MDN1: variants seen among roughly 807,000 people sequenced by gnomAD.
The protein encoded by MDN1 is midasin.
In MDN1, 266 loss-of-function variants were observed where a neutral mutation model predicts 669.2. The observed-to-expected ratio is 0.40, with a 90% CI of 0.36 to 0.44. MDN1 has a LOEUF of 0.44. MDN1 is among the 20% of genes least tolerant of loss of function. The pLI is 1.00. For missense variants in MDN1, 5,940 were observed against 6,754.0 expected, an observed-to-expected ratio of 0.88 and a Z score of 4.22; for synonymous variants, 2,385 against 2,457.1, an observed-to-expected ratio of 0.97 and a Z score of 0.87.
At chr6:89,690,565 C>T in intron 64 of MDN1, 108 bp downstream of exon 64, 1 of 1,354,002 alleles carries the variant, frequency 7.4e-7, no homozygotes, top group Non-Finnish European at 1.0e-6. Flanking sequence ...CTCTAAAATA[C>T]ATACATACAG....
At chr6:89,692,308 A>G (rs1812424381) in intron 63 of MDN1, 135 bp downstream of exon 63, 1 of 728,112 alleles carries the variant, frequency 1.4e-6, no homozygotes, top group African/African-American at 1.8e-5. Flanking sequence ...AAAAAGAAGG[A>G]ACAGAAAACA....
At chr6:89,681,843 G>A (rs1375705382) in intron 73 of MDN1, among the ~76,000 whole-genome samples, 2 of 152,044 alleles carry the variant, frequency 1.3e-5, no homozygotes, top group African/African-American at 4.8e-5. Context: ...TGGAGAGACA[G>A]GGTCTCATAC....
intron 10 of MDN1, chr6:89,781,148 A>T: frequency 2.0e-6 from 1 of 496,154 alleles, no homozygotes; most frequent in Non-Finnish European, 3.6e-6. Context: ...TTTAAAGTTA[A>T]AAACATTACC....
Position 89,714,547 on chromosome 6 carries a change from A to C in MDN1, c.7065T>G (p.Val2355=), listed in dbSNP as rs1269543803. The change falls in exon 46 of 102, where the codon GTT becomes GTG. Residue 2355 remains valine (V), a synonymous_variant. Transcript: ENST00000369393. ...LALHTETRST[V]VGSPTSSVST... is the part of the protein sequence containing the mutation. The stretch of plus-strand genomic sequence containing the variant: ...CCCAAAAGTCAAGCACCTCACCTAC[A>C]ACAGTGCTCCGGGTCTCTGTGTGTA... The C allele has an allele frequency of 6.2e-7, 1 of 1,602,006 alleles. No homozygotes were observed. The highest frequency in any genetic ancestry group is 8.5e-7 in the Non-Finnish European group (1 of 1,173,926).
intron 34 of MDN1, among the ~76,000 whole-genome samples, chr6:89,731,939 A>T (rs937172285): frequency 6.6e-6 from 1 of 151,656 alleles, no homozygotes; most frequent in Non-Finnish European, 1.5e-5. Context: ...AACTCATTAC[A>T]AACACCCCTC....
chr6:89,662,565 C>T (rs1029288793), intron 86 of MDN1, among the ~76,000 whole-genome samples: 1 of 152,146 alleles, frequency 6.6e-6, no homozygotes, highest in Non-Finnish European at 1.5e-5. Context: ...AACATCTGCA[C>T]AGGGTCTTGT....
intron 1 of MDN1, among the ~76,000 whole-genome samples, chr6:89,806,578 T>C (rs985726958): frequency 5.9e-5 from 9 of 151,796 alleles, no homozygotes; most frequent in Non-Finnish European, 1.3e-4. Context: ...ATTAGCCAGG[T>C]GTGCTGGTGT....
intron 8 of MDN1, among the ~76,000 whole-genome samples, chr6:89,786,774 A>T (rs1818983175): frequency 6.6e-6 from 1 of 151,756 alleles, no homozygotes; most frequent in South Asian, 2.1e-4. Context: ...AAAAATACAA[A>T]AATTAGCCCG....
intron 11 of MDN1, among the ~76,000 whole-genome samples, chr6:89,777,369 C>T (rs1409702347): frequency 1.3e-5 from 2 of 152,232 alleles, no homozygotes; most frequent in African/African-American, 4.8e-5. Flanking sequence ...CTCCATCTTA[C>T]TTCTAAGCCT....
At chr6:89,750,706 G>A (rs1363458085) in intron 23 of MDN1, among the ~76,000 whole-genome samples, 174 bp from the exon 24 acceptor site, 2 of 152,146 alleles carry the variant, frequency 1.3e-5, no homozygotes, top group African/African-American at 2.4e-5. Context: ...AGGCTCAAGT[G>A]ATCCTCCCAC....
chr6:89,788,803 GC>G (rs1379024050), intron 7 of MDN1, among the ~76,000 whole-genome samples: 4 of 152,194 alleles, frequency 2.6e-5, no homozygotes, highest in African/African-American at 9.7e-5. Context: ...ATAAGCCAGT[GC>G]TAAGACAATG....
Position 89,781,327 on chromosome 6 carries a change from G to T in MDN1, c.1643+72C>A, listed in dbSNP as rs1025834533. The stretch of plus-strand genomic sequence containing the variant: ...AACTGCACCACTGCACTCCAGCCTG[G>T]GTAACAGAGCAGGAATCTGTCTCAC... On this transcript the variant is annotated intron_variant, in intron 10 of 101. Coordinates refer to ENST00000369393, the MANE Select transcript of MDN1 (RefSeq NM_014611.3). 4 of 1,487,902 alleles carry T rather than the reference G, an allele frequency of 2.7e-6. No individual in the cohort carries two copies. In the Admixed American group the frequency reaches 5.1e-5, roughly 19 times the overall value. The allele number at this position is 1,487,902 out of a possible 1,614,324, so 92.2% of individuals were successfully genotyped here. A position where few individuals can be genotyped will look rare whatever the true frequency, so the allele number is the denominator to read the frequency against.
rs753222320 is a variant in MDN1 at position 89,680,890 on chromosome 6, TAA to T, written c.12103-141_12103-140del. The T allele has an allele frequency of 6.7e-5, 62 of 922,070 alleles. No homozygotes were observed. In the South Asian group the frequency reaches 7.0e-4, roughly 10 times the overall value. 57.1% of individuals were successfully genotyped at this position (922,070 alleles called of 1,614,324 possible). On this transcript the variant is annotated intron_variant, in intron 73 of 101. Transcript: ENST00000369393. ...AGAACAAATGTAGCATCACTAAAAT[TAA>T]AAGAGACATACTGTGGATATTTAGA...
At chr6:89,752,348 A>T (rs555041734) in intron 22 of MDN1, among the ~76,000 whole-genome samples, 4 of 152,242 alleles carry the variant, frequency 2.6e-5, no homozygotes, top group Admixed American at 6.5e-5. Flanking sequence ...TTTGATTACA[A>T]TAATGGTAAA....
chr6:89,745,149 A>AG lies in MDN1; in HGVS notation c.4178+123_4178+124insC, dbSNP rs1554190746. On this transcript the variant is annotated intron_variant, in intron 29 of 101. Transcript: ENST00000369393. Reference sequence around the variant, plus strand: ...AGTCTCTTCTTAAAAAAAAAAAAAAAAAAGAAAAAAGAGGAAGGAGGAAAG... The same window carrying AG: ...AGTCTCTTCTTAAAAAAAAAAAAAAAGAAAGAAAAAAGAGGAAGGAGGAAAG... The AG allele has an allele frequency of 5.1e-5, 53 of 1,034,084 alleles. No individual in the cohort carries two copies. In the South Asian group the frequency reaches 6.2e-4, roughly 12 times the overall value. The allele number at this position is 1,034,084 out of a possible 1,614,324, so 64.1% of individuals were successfully genotyped here.
intron 19 of MDN1, among the ~76,000 whole-genome samples, chr6:89,757,906 G>A (rs950435593): frequency 1.3e-5 from 2 of 152,164 alleles, no homozygotes; most frequent in African/African-American, 2.4e-5. Flanking sequence ...AAATCAGCCA[G>A]TCATGGTAGC....
intron 1 of MDN1, among the ~76,000 whole-genome samples, chr6:89,815,632 G>C (rs1165666274): frequency 6.6e-6 from 1 of 152,188 alleles, no homozygotes; most frequent in East Asian, 1.9e-4. Flanking sequence ...GAGGTGGGGA[G>C]AATTGTTCCT....
At chr6:89,757,472 G>C (rs1471140250) in intron 19 of MDN1, among the ~76,000 whole-genome samples, 1 of 152,054 alleles carries the variant, frequency 6.6e-6, no homozygotes, top group Non-Finnish European at 1.5e-5. Flanking sequence ...TAACACAAAG[G>C]GAAAAATTCT....
At chr6:89,766,857 G>A (rs775389844) in intron 15 of MDN1, among the ~76,000 whole-genome samples, 2 of 152,058 alleles carry the variant, frequency 1.3e-5, no homozygotes, top group Non-Finnish European at 2.9e-5. Context: ...TCTATGGGTG[G>A]GTGGCAAGGA....
Sources: allele counts gnomAD v4.1 joint callset (sites outside exome capture counted in the v4.1 genomes callset), GRCh38; gene constraint gnomAD v4.1.1; transcripts MANE v1.5; gene names NCBI Gene and HGNC (gene_info 2026-07-23, HGNC 2026-07-21).